The following FSTL4 variants were observed in gnomAD, a reference collection of about 807,000 sequenced individuals.
The protein encoded by FSTL4 is follistatin like 4.
A neutral mutation model predicts 78.2 loss-of-function variants in FSTL4; 28 were observed. The observed-to-expected ratio is 0.36, with a 90% confidence interval of 0.27 to 0.49. The LOEUF (loss-of-function observed/expected upper bound fraction) is 0.49. Among genes scored for constraint, FSTL4 ranks in the 20% least tolerant of loss-of-function variants. The pLI is 0.98. For missense variants in FSTL4, 922 were observed against 1,084.9 expected, an observed-to-expected ratio of 0.85 and a Z score of 2.11; for synonymous variants, 422 against 440.5, an observed-to-expected ratio of 0.96 and a Z score of 0.53.
intron 11 of FSTL4, among the ~76,000 whole-genome samples, chr5:133,221,847 C>A (rs1751115912): frequency 7.6e-6 from 1 of 132,262 alleles, no homozygotes; most frequent in East Asian, 2.3e-4. Flanking sequence ...ACATTAAGAT[C>A]TCTGTAAATT....
chr5:133,217,253 G>A lies in FSTL4; in HGVS notation c.1584C>T (p.Asp528=), dbSNP rs974132914. 2 of 1,613,968 alleles carry A rather than the reference G, an allele frequency of 1.2e-6. No homozygotes were observed. Among genetic ancestry groups the A allele is most frequent in the South Asian group, 1.1e-5 (1 of 91,056 alleles). The change falls in exon 13 of 16, where the codon GAC becomes GAT. Residue 528 remains aspartate, a synonymous_variant. Coordinates refer to ENST00000265342, the MANE Select transcript of FSTL4 (RefSeq NM_015082.2). ...QPALSRVLVV[D]IQAQKVLQSI... is the part of the protein sequence containing the mutation. ...CCTGTAGGACTTTCTGGGCTTGGAT[G>A]TCGACCACAAGGACTCTGCTCAGTG... is the stretch of plus-strand genomic sequence containing the variant.
chr5:133,393,236 C>T (rs250856), intron 4 of FSTL4, among the ~76,000 whole-genome samples: 114,769 of 152,030 alleles, frequency 0.75, 45,192 homozygotes, highest in Non-Finnish European at 0.88. Context: ...AGAGACAGTC[C>T]GTAAAGATTC....
At chr5:133,228,694 A>G (rs1751403827) in intron 8 of FSTL4, among the ~76,000 whole-genome samples, 2 of 152,248 alleles carry the variant, frequency 1.3e-5, no homozygotes, top group Admixed American at 6.5e-5. Context: ...AAAAAGTTCA[A>G]AATCAATTTC....
the FSTL4 span, among the ~76,000 whole-genome samples, chr5:133,750,753 A>G: frequency 3.9e-5 from 6 of 152,240 alleles, no homozygotes; most frequent in African/African-American, 1.4e-4. Flanking sequence ...TGCCGGGCAC[A>G]GGGTGGGCCT....
rs545387133 is a variant in FSTL4, at chr5:133,395,038, C to G, written c.409+5700G>C. 2.6e-5 allele frequency among the ~76,000 whole-genome samples: 4 copies of G among 152,224 alleles called. No homozygotes were observed. In the East Asian group the frequency reaches 7.7e-4, roughly 29 times the overall value. ...CAGGGATTGTAAACACACCAATCAG[C>G]ACCCTGTCAAAATGGACCAATCAGC... On this transcript the variant is annotated intron_variant, in intron 4 of 15. Coordinates refer to ENST00000265342, the MANE Select transcript of FSTL4 (RefSeq NM_015082.2).
chr5:133,322,892 G>A (rs977400873), intron 4 of FSTL4, among the ~76,000 whole-genome samples: 1 of 152,172 alleles, frequency 6.6e-6, no homozygotes, highest in African/African-American at 2.4e-5. Context: ...CTGGATGGGC[G>A]GCTTTCAGCA....
intron 2 of FSTL4, among the ~76,000 whole-genome samples, chr5:133,593,262 C>T (rs1318696378): frequency 6.6e-6 from 1 of 152,164 alleles, no homozygotes; most frequent in African/African-American, 2.4e-5. Context: ...TGAGCACCCA[C>T]ATCCTCTACA....
the FSTL4 span, among the ~76,000 whole-genome samples, chr5:133,662,323 G>A: frequency 1.3e-5 from 2 of 152,006 alleles, no homozygotes; most frequent in Non-Finnish European, 2.9e-5. Context: ...ATTTACAGTT[G>A]AAATGCTCTG....
intron 6 of FSTL4, among the ~76,000 whole-genome samples, chr5:133,289,556 G>A (rs879552069): frequency 4.6e-5 from 7 of 152,234 alleles, no homozygotes; most frequent in Non-Finnish European, 1.0e-4. Context: ...ATGAATGACT[G>A]CATGTGTCTC....
At chr5:133,551,749 G>C (rs1373906819) in intron 3 of FSTL4, among the ~76,000 whole-genome samples, 2 of 152,154 alleles carry the variant, frequency 1.3e-5, no homozygotes, top group Admixed American at 1.3e-4. Flanking sequence ...ATATAAATTA[G>C]AGCTATTCTG....
intron 4 of FSTL4, among the ~76,000 whole-genome samples, chr5:133,320,536 G>A (rs915315059): frequency 3.3e-5 from 5 of 152,104 alleles, no homozygotes; most frequent in South Asian, 2.1e-4. Flanking sequence ...AAATCATCCC[G>A]AAATCCACCT....
At chr5:133,658,620 GCATT>G in the FSTL4 span, among the ~76,000 whole-genome samples, 1 of 151,850 alleles carries the variant, frequency 6.6e-6, no homozygotes, top group Non-Finnish European at 1.5e-5. Context: ...TATTTTCTCT[GCATT>G]TATTAATTTC....
At chr5:133,702,374 C>T in the FSTL4 span, among the ~76,000 whole-genome samples, 106 of 152,262 alleles carry the variant, frequency 7.0e-4, 1 homozygote, top group East Asian at 0.019. Context: ...GCCAGACCAG[C>T]GGCAGGTGCT....
intron 6 of FSTL4, among the ~76,000 whole-genome samples, chr5:133,254,583 T>TC (rs2126828005): frequency 6.6e-6 from 1 of 152,128 alleles, no homozygotes; most frequent in African/African-American, 2.4e-5. Context: ...CCCCCTCCCT[T>TC]CCCCCTATCT....
chr5:133,448,053 A>G (rs1757303078), intron 3 of FSTL4, among the ~76,000 whole-genome samples: 1 of 152,196 alleles, frequency 6.6e-6, no homozygotes, highest in Non-Finnish European at 1.5e-5. Flanking sequence ...CACATTTAGC[A>G]TGAAAGTAGC....
intron 1 of FSTL4, among the ~76,000 whole-genome samples, chr5:133,608,343 T>G (rs1761017834): frequency 6.6e-6 from 1 of 152,208 alleles, no homozygotes; most frequent in Non-Finnish European, 1.5e-5. Flanking sequence ...AGGGAGGTGT[T>G]TCATTGCTTC....
chr5:133,776,176 C>T, the FSTL4 span, among the ~76,000 whole-genome samples: 1 of 152,178 alleles, frequency 6.6e-6, no homozygotes, highest in Admixed American at 6.5e-5. Flanking sequence ...TGGCAGCCTA[C>T]AGAGACTATA....
chr5:133,667,675 A>G, the FSTL4 span, among the ~76,000 whole-genome samples: 1 of 151,942 alleles, frequency 6.6e-6, no homozygotes, highest in African/African-American at 2.4e-5. Context: ...CCACTCCAAC[A>G]TCACCCTGAC....
chr5:133,661,042 G>T, the FSTL4 span, among the ~76,000 whole-genome samples: 3 of 152,192 alleles, frequency 2.0e-5, no homozygotes, highest in Non-Finnish European at 4.4e-5. Context: ...CCAGGCTGGA[G>T]TGCAATGGCA....
Sources: allele counts gnomAD v4.1 joint callset (sites outside exome capture counted in the v4.1 genomes callset), GRCh38; gene constraint gnomAD v4.1.1; transcripts MANE v1.5; gene names NCBI Gene and HGNC (gene_info 2026-07-23, HGNC 2026-07-21).